Variants in CCDC181 observed in about 807,000 individuals in gnomAD.
The protein encoded by CCDC181 is coiled-coil domain-containing protein 181.
CCDC181 carries 35 observed loss-of-function variants against 58.7 expected under a neutral mutation model. The ratio of observed to expected loss-of-function variants is 0.60; its 90% CI spans 0.46 to 0.79. The LOEUF is 0.79. Among genes scored for constraint, CCDC181 ranks in the 30% least tolerant of loss-of-function variants. The pLI is 0.00. For missense variants in CCDC181, 517 were observed against 583.9 expected, an observed-to-expected ratio of 0.89 and a Z score of 1.18; for synonymous variants, 183 against 197.5, an observed-to-expected ratio of 0.93 and a Z score of 0.62.
At chr1:169,427,935 C>T (rs1398714445), upstream of CCDC181, among the ~76,000 whole-genome samples, 3 of 152,096 alleles carry the variant, frequency 2.0e-5, no homozygotes, top group Non-Finnish European at 4.4e-5. Context: ...TCAAATTCTG[C>T]TTATCTTTAT....
intron 3 of CCDC181, among the ~76,000 whole-genome samples, chr1:169,420,661 T>C (rs932546271): frequency 6.6e-6 from 1 of 152,174 alleles, no homozygotes. Flanking sequence ...ATTAGACATT[T>C]TGTATGGCTC....
rs769449078 is a variant in CCDC181 at position 169,397,223 on chromosome 1, TG to T, written c.1370+13del. Reference sequence around the variant, plus strand: ...AGGAAGGAGGAGGGGGGAAATGCCCTGCCTTTAACTTACTGTTTAAAGGCCC... The same window carrying T: ...AGGAAGGAGGAGGGGGGAAATGCCCTCCTTTAACTTACTGTTTAAAGGCCC... On this transcript the variant is annotated intron_variant, in intron 5 of 5. Coordinates refer to ENST00000367806, the MANE Select transcript of CCDC181 (RefSeq NM_001300969.2). 1 of 1,521,974 alleles carries T rather than the reference TG, an allele frequency of 6.6e-7. No homozygotes were observed. Among genetic ancestry groups the T allele is most frequent in the African/African-American group, 1.4e-5 (1 of 71,078 alleles). The allele number at this position is 1,521,974 out of a possible 1,614,324, so 94.3% of individuals were successfully genotyped here.
chr1:169,407,157 C>G (rs539381995), intron 4 of CCDC181, among the ~76,000 whole-genome samples: 7 of 151,388 alleles, frequency 4.6e-5, no homozygotes, highest in African/African-American at 1.7e-4. Context: ...CAGCAAAACC[C>G]AGGTTAGGTA....
At chr1:169,396,741 G>A (rs555430326) in intron 5 of CCDC181, among the ~76,000 whole-genome samples, 1 of 152,166 alleles carries the variant, frequency 6.6e-6, no homozygotes, top group South Asian at 2.1e-4. Context: ...AAAATATCAG[G>A]TTTGCCTTAA....
intron 2 of CCDC181, among the ~76,000 whole-genome samples, chr1:169,435,198 ATTATG>A (rs1024747745): frequency 1.3e-5 from 2 of 152,054 alleles, no homozygotes; most frequent in Admixed American, 1.3e-4. Context: ...AAACATAAAT[ATTATG>A]TTATGAAAGA....
rs77183610 is a variant in CCDC181, at chr1:169,437,390, G to A, written c.-23-12440C>T. Among the ~76,000 whole-genome samples, 911 of 152,300 alleles carry A rather than the reference G, an allele frequency of 6.0e-3. 8 individuals are homozygous for A. Among genetic ancestry groups the A allele is most frequent in the African/African-American group, 0.021 (871 of 41,564 alleles). On this transcript the variant is annotated intron_variant, in intron 2 of 6. Coordinates refer to the CCDC181 transcript ENST00000545005. ...CCTACAAAGGCAGTCTAGCGCCCAGGCAAGAAGGAAATTTGTTTTGGGAAA... is the reference window on the plus strand; with the variant it reads ...CCTACAAAGGCAGTCTAGCGCCCAGACAAGAAGGAAATTTGTTTTGGGAAA...
chr1:169,406,560 C>T (rs186756835), intron 4 of CCDC181, among the ~76,000 whole-genome samples: 1 of 152,288 alleles, frequency 6.6e-6, no homozygotes, highest in East Asian at 1.9e-4. Context: ...GAAAACCAAA[C>T]ACCGCATGTT....
chr1:169,431,119 A>G (rs1656908870), upstream of CCDC181, among the ~76,000 whole-genome samples: 1 of 152,198 alleles, frequency 6.6e-6, no homozygotes, highest in African/African-American at 2.4e-5. Context: ...AGTCAGTGTG[A>G]AATGGCCTTA....
chr1:169,458,322 A>T (rs1285156957), intron 2 of CCDC181, among the ~76,000 whole-genome samples: 1 of 152,080 alleles, frequency 6.6e-6, no homozygotes, highest in Non-Finnish European at 1.5e-5. Flanking sequence ...ATAATGCCAA[A>T]ATGTTATTCA....
At chr1:169,432,674 C>G (rs114045924) in intron 2 of CCDC181, among the ~76,000 whole-genome samples, 1 of 152,012 alleles carries the variant, frequency 6.6e-6, no homozygotes, top group Admixed American at 6.6e-5. Context: ...GTGATTTATT[C>G]CTAGAATGTA....
intron 4 of CCDC181, among the ~76,000 whole-genome samples, chr1:169,417,634 G>A (rs1656273795): frequency 6.6e-6 from 1 of 152,044 alleles, no homozygotes; most frequent in African/African-American, 2.4e-5. Flanking sequence ...CTTCCTAGAA[G>A]AAAGGAGTTA....
rs757341407 is a variant in CCDC181 at position 169,421,603 on chromosome 1, A to G, written c.828T>C (p.Ile276=). 1.2e-6 allele frequency: 2 copies of G among 1,614,070 alleles called. No homozygotes were observed. The highest frequency in any genetic ancestry group is 2.2e-5 in the East Asian group (1 of 44,874). Residue 276 remains isoleucine (I), a synonymous_variant, in exon 3 of 6, where the codon ATT becomes ATC. Coordinates refer to ENST00000367806, the MANE Select transcript of CCDC181 (RefSeq NM_001300969.2). ...GTKKEDSTAK[I]HAVTHSSTGE... Reference sequence around the variant, plus strand: ...CTGTTGATGAGTGAGTGACAGCATGAATCTTTGCTGTAGAATCTTCTTTCT... The same window carrying G: ...CTGTTGATGAGTGAGTGACAGCATGGATCTTTGCTGTAGAATCTTCTTTCT...
In CCDC181 at chr1:169,422,085, C is replaced by T. The variant is rs781751281; in HGVS notation, c.346G>A (p.Glu116Lys). 50 of 1,613,554 alleles carry T rather than the reference C, an allele frequency of 3.1e-5. No individual in the cohort carries two copies. In the Admixed American group the frequency reaches 3.2e-4, roughly 10 times the overall value. The stretch of plus-strand genomic sequence containing the variant: ...CTTACTTCCTCATCCTCTTCCTCCT[C>T]CAAGTCTTTCTGGCTTTCTAGTTTG... ...ESKLESQKDL[E>K]EEEDEEVRRY... The change falls in exon 3 of 6, where the codon GAG becomes AAG. Residue 116 changes from glutamate to lysine, a missense_variant. Glu to Lys is a moderately conservative substitution (Grantham distance 56, BLOSUM62 1). Transcript: ENST00000367806.
chr1:169,455,570 A>G (rs560616599), intron 2 of CCDC181, among the ~76,000 whole-genome samples: 27 of 152,268 alleles, frequency 1.8e-4, no homozygotes, highest in African/African-American at 6.5e-4. Context: ...TTGTTTTTAA[A>G]GCAAGAACAT....
Position 169,421,854 on chromosome 1 carries a change from T to G in CCDC181, c.577A>C (p.Asn193His). The change falls in exon 3 of 6, where the codon AAT becomes CAT. Residue 193 changes from asparagine to histidine, a missense_variant. Coordinates refer to ENST00000367806, the MANE Select transcript of CCDC181 (RefSeq NM_001300969.2). ...FGKLSQLCIS[N>H]DFGQEDVLLS... Reference sequence around the variant, plus strand: ...AGCACATCTTCTTGTCCAAAATCATTGGAAATACATAATTGTGACAGTTTC... The same window carrying G: ...AGCACATCTTCTTGTCCAAAATCATGGGAAATACATAATTGTGACAGTTTC... The G allele has an allele frequency of 1.2e-6, 2 of 1,613,972 alleles. No homozygotes were observed. Among genetic ancestry groups the G allele is most frequent in the South Asian group, 1.1e-5 (1 of 91,082 alleles).
In CCDC181 at chr1:169,421,364, T is replaced by C; in HGVS notation, c.1067A>G (p.Glu356Gly). 6.3e-7 allele frequency: 1 copy of C among 1,599,596 alleles called. No homozygotes were observed. The highest frequency in any genetic ancestry group is 8.5e-7 in the Non-Finnish European group (1 of 1,173,734). The change falls in exon 3 of 6, where the codon GAG becomes GGG. Residue 356 changes from glutamate to glycine, a missense_variant and splice_region_variant. Glu to Gly is a moderately conservative substitution (Grantham distance 98). Coordinates refer to ENST00000367806, the MANE Select transcript of CCDC181 (RefSeq NM_001300969.2). ...TATAATGCCCACTTAGGTTCTCACC[T>C]CTCTTTTCAGTTTTTCTCTCTTTTC... ...LEEKREKLKR[E>G]EERRKIEEEK...
intron 2 of CCDC181, among the ~76,000 whole-genome samples, chr1:169,435,559 T>C (rs952615581): frequency 3.3e-5 from 5 of 152,140 alleles, no homozygotes; most frequent in African/African-American, 1.2e-4. Context: ...TTCTGGCCAA[T>C]TTCCCCATCA....
At chr1:169,430,956 G>A (rs890597574), upstream of CCDC181, among the ~76,000 whole-genome samples, 13 of 152,174 alleles carry the variant, frequency 8.5e-5, no homozygotes, top group African/African-American at 3.1e-4. Flanking sequence ...ACACTCCTAT[G>A]CAAACATTAC....
chr1:169,423,184 A>T (rs1656563854), intron 2 of CCDC181, among the ~76,000 whole-genome samples: 1 of 151,610 alleles, frequency 6.6e-6, no homozygotes, highest in African/African-American at 2.4e-5. Flanking sequence ...TCATTTGCTC[A>T]TAGGTCATCC....
Sources: gnomAD v4.1 joint callset for allele counts (sites outside exome capture counted in the v4.1 genomes callset) on GRCh38, gnomAD v4.1.1 for gene constraint, MANE v1.5 for transcripts, NCBI Gene and HGNC (gene_info 2026-07-23, HGNC 2026-07-21) for gene names.